The following PABIR2 variants were observed in gnomAD, a reference collection of about 807,000 sequenced individuals.
PABIR2 encodes the protein PABIR family member 2, also known as family with sequence similarity 122B.
In PABIR2, 7 loss-of-function variants were observed where a neutral mutation model predicts 22.8. That is an observed-to-expected ratio of 0.31 (90% CI 0.17 to 0.58). The LOEUF is 0.58. Among genes scored for constraint, PABIR2 ranks in the 20% least tolerant of loss-of-function variants. PABIR2 has a pLI of 0.89. For synonymous variants in PABIR2, 67 were observed against 73.8 expected, an observed-to-expected ratio of 0.91 and a Z score of 0.47; for missense variants, 155 against 205.1, an observed-to-expected ratio of 0.76 and a Z score of 1.49.
intron 9 of PABIR2, among the ~76,000 whole-genome samples, chrX:134,774,224 G>A (rs2078905764): frequency 8.9e-6 from 1 of 112,248 alleles, no homozygotes; most frequent in East Asian, 2.8e-4. Flanking sequence ...CTGAAAGAAA[G>A]TTGCACAGAT....
intron 6 of PABIR2, among the ~76,000 whole-genome samples, 178 bp from the exon 7 acceptor site, chrX:134,787,711 G>T (rs757389281): frequency 9.8e-6 from 1 of 102,483 alleles, no homozygotes; most frequent in Non-Finnish European, 2.0e-5. Context: ...GAACTCTTGG[G>T]CTCAAGCCAT....
At chrX:134,790,662 C>A (rs1380864582) in intron 2 of PABIR2, among the ~76,000 whole-genome samples, 1 of 112,339 alleles carries the variant, frequency 8.9e-6, no homozygotes, top group Non-Finnish European at 1.9e-5. Flanking sequence ...GCCTCAGCCT[C>A]CTGAGTAGCT....
At chrX:134,792,430 G>A (rs1311517263) in intron 2 of PABIR2, among the ~76,000 whole-genome samples, 1 of 112,065 alleles carries the variant, frequency 8.9e-6, no homozygotes, top group Non-Finnish European at 1.9e-5. Flanking sequence ...TGTATAACAT[G>A]TATAAACATT....
At chrX:134,772,809 C>T (rs1486891198) in intron 9 of PABIR2, among the ~76,000 whole-genome samples, 2 of 111,453 alleles carry the variant, frequency 1.8e-5, no homozygotes, top group Non-Finnish European at 3.8e-5. Flanking sequence ...TAAATGATTT[C>T]CCCCTCCAAT....
At chrX:134,795,107 A>T (rs1054245287) in intron 1 of PABIR2, among the ~76,000 whole-genome samples, 2 of 112,075 alleles carry the variant, frequency 1.8e-5, no homozygotes, top group South Asian at 7.3e-4. Context: ...AGGGCCAAGG[A>T]CAGCAACAGG....
chrX:134,775,152 G>A (rs968012841), intron 9 of PABIR2, among the ~76,000 whole-genome samples: 3 of 111,836 alleles, frequency 2.7e-5, no homozygotes, highest in Non-Finnish European at 5.6e-5. Flanking sequence ...ATTGGACATA[G>A]GAATCCTTGA....
chrX:134,795,703 T>C (rs1315604589), intron 1 of PABIR2, among the ~76,000 whole-genome samples: 1 of 112,432 alleles, frequency 8.9e-6, no homozygotes, highest in Non-Finnish European at 1.9e-5. Flanking sequence ...AAAGTAAACA[T>C]CTGTTAATGC....
chrX:134,775,964 T>G (rs2147886817), intron 9 of PABIR2, among the ~76,000 whole-genome samples: 1 of 112,249 alleles, frequency 8.9e-6, no homozygotes, highest in African/African-American at 3.2e-5. Flanking sequence ...GCAGTCATGC[T>G]GAGGACAGGA....
chrX:134,773,779 C>G (rs1315056983), intron 9 of PABIR2, among the ~76,000 whole-genome samples: 1 of 111,984 alleles, frequency 8.9e-6, no homozygotes, highest in African/African-American at 3.2e-5. Context: ...AAAGCCCATT[C>G]CAGTCTAACA....
chrX:134,777,451 G>A (rs1298921629), intron 9 of PABIR2, among the ~76,000 whole-genome samples: 4 of 107,779 alleles, frequency 3.7e-5, no homozygotes, highest in Middle Eastern at 4.3e-3. Context: ...GCTTGAGCCC[G>A]GGAAGCAGAG....
In PABIR2 at chrX:134,787,438, AC is replaced by A. The variant is rs764693920; in HGVS notation, c.497+33del. 3.4e-6 allele frequency: 4 copies of A among 1,177,054 alleles called. No individual in the cohort carries two copies. The African/African-American group carries it at 5.3e-5, about 16-fold the overall frequency. The stretch of plus-strand genomic sequence containing the variant: ...CTGAGAGATAAATGTAATGAATGGT[AC>A]TTCAACCACATTTAAAATTCAAGTT... On this transcript the variant is annotated intron_variant, in intron 7 of 9. Transcript: ENST00000343004.
intron 9 of PABIR2, among the ~76,000 whole-genome samples, chrX:134,781,313 T>C (rs1290195921): frequency 8.9e-6 from 1 of 112,810 alleles, no homozygotes; most frequent in African/African-American, 3.2e-5. Flanking sequence ...TATTTTAAAT[T>C]AGAATCTTTG....
intron 9 of PABIR2, among the ~76,000 whole-genome samples, chrX:134,774,087 G>A (rs1032186032): frequency 1.3e-4 from 14 of 111,903 alleles, no homozygotes; most frequent in African/African-American, 1.9e-4. Flanking sequence ...CCTACTCTAC[G>A]CTCACTGCTG....
chrX:134,777,090 T>A (rs2078998682), intron 9 of PABIR2, among the ~76,000 whole-genome samples: 2 of 112,409 alleles, frequency 1.8e-5, no homozygotes, highest in South Asian at 3.7e-4. Context: ...CGCAGCCCTA[T>A]CAAGCCTAGC....
intron 6 of PABIR2, among the ~76,000 whole-genome samples, chrX:134,788,467 TGTTA>T (rs1468903318): frequency 1.1e-5 from 1 of 93,460 alleles, no homozygotes; most frequent in Non-Finnish European, 1.9e-5. Context: ...GTTATATATG[TGTTA>T]TATATACGTT....
In PABIR2 at chrX:134,770,597, ATTTC is replaced by A. The variant is rs1307571129; in HGVS notation, c.*1538_*1541del. 1 of 112,808 alleles carries A rather than the reference ATTTC, an allele frequency of 8.9e-6. No individual in the cohort carries two copies. The highest frequency in any genetic ancestry group is 1.9e-5 in the Non-Finnish European group (1 of 53,271). The allele number at this position is 112,808 out of a possible 1,213,427, so 9.3% of individuals were successfully genotyped here. ...AAAAGACACAAATGCAGTAGTTTTC[ATTTC>A]TTACATTCACTTAAAAATGGATTAT... On this transcript the variant is annotated 3_prime_UTR_variant, in exon 10 of 10. Coordinates refer to ENST00000343004, the MANE Select transcript of PABIR2 (RefSeq NM_001387468.1).
At chrX:134,787,407 G>C (rs2079360937) in intron 7 of PABIR2, 65 bp downstream of exon 7, 29 of 1,107,971 alleles carry the variant, frequency 2.6e-5, no homozygotes, top group Non-Finnish European at 3.5e-5. Flanking sequence ...GCCACAAAAA[G>C]CTAATCTGAG....
At chrX:134,788,436 C>T (rs939797985) in intron 6 of PABIR2, among the ~76,000 whole-genome samples, 2 of 86,735 alleles carry the variant, frequency 2.3e-5, no homozygotes, top group South Asian at 9.0e-4. Flanking sequence ...AATATATACA[C>T]GTTATATATG....
intron 1 of PABIR2, 151 bp from the exon 2 acceptor site, chrX:134,794,044 C>G: frequency 9.2e-7 from 1 of 1,087,123 alleles, no homozygotes; most frequent in Non-Finnish European, 1.2e-6. Flanking sequence ...AACTCCTCAC[C>G]GTCCTCTCTG....
Sources: gnomAD v4.1 joint callset for allele counts (sites outside exome capture counted in the v4.1 genomes callset) on GRCh38, gnomAD v4.1.1 for gene constraint, MANE v1.5 for transcripts, NCBI Gene and HGNC (gene_info 2026-07-23, HGNC 2026-07-21) for gene names.